The following PALLD variants were observed in gnomAD, a reference collection of about 807,000 sequenced individuals.
PALLD encodes palladin.
A neutral mutation model predicts 123.5 loss-of-function variants in PALLD; 61 were observed. That is an observed-to-expected ratio of 0.49 (90% CI 0.40 to 0.61). The LOEUF (loss-of-function observed/expected upper bound fraction) is 0.61. Among genes scored for constraint, PALLD ranks in the 20% least tolerant of loss-of-function variants. The pLI is 0.00. For synonymous variants in PALLD, 465 were observed against 496.4 expected (o/e 0.94, Z 0.84); for missense variants, 1,273 against 1,377.0 (o/e 0.92, Z 1.20).
intron 10 of PALLD, among the ~76,000 whole-genome samples, chr4:168,816,709 G>A (rs1018742236): frequency 1.3e-5 from 2 of 151,904 alleles, no homozygotes; most frequent in African/African-American, 4.8e-5. Context: ...AAACTCTCTG[G>A]TCCTTTATGG....
chr4:168,661,065 C>T (rs1479631538), intron 2 of PALLD, among the ~76,000 whole-genome samples: 4 of 151,858 alleles, frequency 2.6e-5, no homozygotes, highest in South Asian at 2.1e-4. Context: ...CCACCATGCC[C>T]GGCTAATTTT....
chr4:168,741,345 T>TGTGTGTGTG (rs56865130), intron 10 of PALLD, among the ~76,000 whole-genome samples: 4,207 of 89,956 alleles, frequency 0.047, 136 homozygotes, highest in African/African-American at 0.091. Flanking sequence ...TATTTGTTTT[T>TGTGTGTGTG]TTTGTGTGTG....
chr4:168,896,826 T>G lies in PALLD; in HGVS notation c.2250+227T>G, dbSNP rs144802879. Among the ~76,000 whole-genome samples, 697 of 151,908 alleles carry G rather than the reference T, an allele frequency of 4.6e-3. 8 individuals carry two copies. The highest frequency in any genetic ancestry group is 0.016 in the African/African-American group (655 of 41,484). Reference sequence around the variant, plus strand: ...ATTTATTTATTTTTACTTTATGTATTTATTTATTTATTTATTTATTTTGAG... The same window carrying G: ...ATTTATTTATTTTTACTTTATGTATGTATTTATTTATTTATTTATTTTGAG... On this transcript the variant is annotated intron_variant, in intron 13 of 21. Coordinates refer to ENST00000505667, the MANE Select transcript of PALLD (RefSeq NM_001166108.2).
chr4:168,524,224 G>A, intron 2 of PALLD, among the ~76,000 whole-genome samples: 1 of 152,110 alleles, frequency 6.6e-6, no homozygotes, highest in East Asian at 1.9e-4. Flanking sequence ...TTGTTTGGCA[G>A]CTTAATTATT....
intron 10 of PALLD, among the ~76,000 whole-genome samples, chr4:168,831,772 C>CG (rs1744239994): frequency 6.6e-6 from 1 of 152,178 alleles, no homozygotes; most frequent in Admixed American, 6.5e-5. Context: ...AAGCCGACAA[C>CG]ATATCTATGG....
In PALLD at chr4:168,512,403, C is replaced by T. The variant is rs757529811; in HGVS notation, c.899C>T (p.Pro300Leu). The change falls in exon 2 of 22, where the codon CCT (proline) becomes CTT (leucine). Residue 300 changes from proline (P) to leucine (L), a missense_variant. Transcript: ENST00000505667. ...LECRVTGNPT[P>L]RVRWFCEGKE... The stretch of plus-strand genomic sequence containing the variant: ...TGTAGAGTCACTGGAAACCCCACTC[C>T]TCGAGTCAGGTATGAATTTTTGTAT... The T allele has an allele frequency of 6.2e-7, 1 of 1,613,110 alleles. No individual in the cohort carries two copies. The highest frequency in any genetic ancestry group is 1.1e-5 in the South Asian group (1 of 91,068).
chr4:168,517,063 C>T (rs893444714), intron 2 of PALLD, among the ~76,000 whole-genome samples: 1 of 152,118 alleles, frequency 6.6e-6, no homozygotes, highest in African/African-American at 2.4e-5. Flanking sequence ...GGCTGACGCA[C>T]AGGGAATGCG....
intron 10 of PALLD, among the ~76,000 whole-genome samples, chr4:168,775,894 T>TTGTCTTTATGCCA (rs1183762085): frequency 3.3e-5 from 5 of 152,194 alleles, no homozygotes. Context: ...ATTAGTCTGT[T>TTGTCTTTATGCCA]TGTCTTTATG....
intron 2 of PALLD, among the ~76,000 whole-genome samples, chr4:168,611,703 A>T (rs1037228334): frequency 1.3e-5 from 2 of 152,124 alleles, no homozygotes; most frequent in Non-Finnish European, 2.9e-5. Context: ...TACCATTTTA[A>T]TGCTCAACTA....
intron 2 of PALLD, among the ~76,000 whole-genome samples, chr4:168,541,568 A>G (rs777306925): frequency 6.6e-6 from 1 of 152,052 alleles, no homozygotes; most frequent in Non-Finnish European, 1.5e-5. Flanking sequence ...CTCCTGCCTC[A>G]GCCTCCTGAG....
chr4:168,640,979 T>C (rs1776882033), intron 2 of PALLD, among the ~76,000 whole-genome samples: 1 of 151,970 alleles, frequency 6.6e-6, no homozygotes, highest in Non-Finnish European at 1.5e-5. Flanking sequence ...GAGGTCGAGG[T>C]GGGCGGATCA....
rs549846625 is a variant in PALLD at position 168,889,123 on chromosome 4, T to C, written c.1965-1799T>C. 1.1e-4 allele frequency among the ~76,000 whole-genome samples: 15 copies of C among 142,406 alleles called. No homozygotes were observed. In the South Asian group the frequency reaches 3.3e-3, roughly 32 times the overall value. 93.4% of individuals were successfully genotyped at this position (142,406 alleles called of 152,430 possible). On this transcript the variant is annotated intron_variant, in intron 10 of 21. Coordinates refer to ENST00000505667, the MANE Select transcript of PALLD (RefSeq NM_001166108.2). Reference sequence around the variant, plus strand: ...TTGACGCTTTGGCAGTAAAGTTTTGTTTGTTTGCTTTATTTTGTGTGTGTG... The same window carrying C: ...TTGACGCTTTGGCAGTAAAGTTTTGCTTGTTTGCTTTATTTTGTGTGTGTG...
At chr4:168,620,898 TA>T (rs1339349484) in intron 2 of PALLD, among the ~76,000 whole-genome samples, 6 of 152,196 alleles carry the variant, frequency 3.9e-5, no homozygotes, top group Non-Finnish European at 8.8e-5. Flanking sequence ...AGTAATATAA[TA>T]TTCTAAGCTA....
At chr4:168,690,842 T>C in intron 7 of PALLD, 98 bp downstream of exon 7, 2 of 1,229,090 alleles carry the variant, frequency 1.6e-6, no homozygotes, top group Non-Finnish European at 2.4e-6. Context: ...AATTGATCTC[T>C]ATGTTCAAAG....
chr4:168,554,381 G>C (rs1767058829), intron 2 of PALLD, among the ~76,000 whole-genome samples: 1 of 152,046 alleles, frequency 6.6e-6, no homozygotes, highest in African/African-American at 2.4e-5. Context: ...TGATTAGTGG[G>C]GAAATCTACC....
intron 2 of PALLD, among the ~76,000 whole-genome samples, chr4:168,545,103 T>C (rs956803879): frequency 6.6e-6 from 1 of 152,234 alleles, no homozygotes; most frequent in African/African-American, 2.4e-5. Flanking sequence ...GAGCTCAGAC[T>C]GAAATCATTT....
At chr4:168,662,340 G>A (rs753088906) in intron 2 of PALLD, among the ~76,000 whole-genome samples, 4 of 152,118 alleles carry the variant, frequency 2.6e-5, no homozygotes, top group Non-Finnish European at 5.9e-5. Context: ...AATTAAACAG[G>A]GCTTTCAGGA....
chr4:168,588,497 G>T (rs1449372651), intron 2 of PALLD, among the ~76,000 whole-genome samples: 1 of 152,120 alleles, frequency 6.6e-6, no homozygotes, highest in Non-Finnish European at 1.5e-5. Context: ...CGCCTCCTGG[G>T]TTCAAGCGAT....
chr4:168,554,899 T>C (rs1767116118), intron 2 of PALLD, among the ~76,000 whole-genome samples: 1 of 152,164 alleles, frequency 6.6e-6, no homozygotes, highest in South Asian at 2.1e-4. Flanking sequence ...ACTATTTATA[T>C]TTATACTATT....
Sources: allele counts gnomAD v4.1 joint callset (sites outside exome capture counted in the v4.1 genomes callset), GRCh38; gene constraint gnomAD v4.1.1; transcripts MANE v1.5; gene names NCBI Gene and HGNC (gene_info 2026-07-23, HGNC 2026-07-21).